The following RPH3AL variants were observed in gnomAD, a reference collection of about 807,000 sequenced individuals.
The protein encoded by RPH3AL is rabphilin 3A like (without C2 domains).
In RPH3AL, 38 loss-of-function variants were observed where a neutral mutation model predicts 43.1. That is an observed-to-expected ratio of 0.88 (90% CI 0.68 to 1.15). The LOEUF (loss-of-function observed/expected upper bound fraction) is 1.15. Among genes scored for constraint, RPH3AL ranks in the 50% most tolerant of loss-of-function variants. RPH3AL has a pLI of 0.00. For synonymous variants in RPH3AL, 189 were observed against 176.3 expected (o/e 1.07, Z -0.57); for missense variants, 462 against 423.2 (o/e 1.09, Z -0.81).
intron 5 of RPH3AL, among the ~76,000 whole-genome samples, chr17:308,293 A>G (rs1245315282): frequency 1.3e-5 from 2 of 152,306 alleles, no homozygotes; most frequent in African/African-American, 4.8e-5. Context: ...TTCACCGCAC[A>G]CCCATTTGGG....
chr17:319,271 A>G, intron 5 of RPH3AL, 149 bp downstream of exon 5: 1 of 963,450 alleles, frequency 1.0e-6, no homozygotes, highest in Non-Finnish European at 1.5e-6. Flanking sequence ...TTTGGTTTTT[A>G]AGTCTTAGTG....
In RPH3AL at chr17:246,430, C is replaced by CCTCCT. The variant is rs1555540014; in HGVS notation, c.613+676_613+680dup. ...CGGCCACACACCTGCCGAGGAAGTC[C>CCTCCT]CTCCTCTTCTCTGAGCCGCAGGTAC... On this transcript the variant is annotated intron_variant, in intron 7 of 9. Transcript: ENST00000331302. This position sits in a 1 kb window ranked among gnomAD's most constrained non-coding sequence, Gnocchi z 4.8. 6.6e-6 allele frequency among the ~76,000 whole-genome samples: 1 copy of CCTCCT among 152,142 alleles called. No individual in the cohort carries two copies. The highest frequency in any genetic ancestry group is 2.4e-5 in the African/African-American group (1 of 41,428).
At chr17:278,269 A>G (rs572949361) in intron 6 of RPH3AL, among the ~76,000 whole-genome samples, 200 of 152,302 alleles carry the variant, frequency 1.3e-3, no homozygotes, top group African/African-American at 4.6e-3. Context: ...GCCTGCCGCC[A>G]TGTAAGACGT....
chr17:272,960 G>GTCAGGGTGAGACCCCAGCAAGGGCGACA (rs2042520735), intron 6 of RPH3AL, among the ~76,000 whole-genome samples: 2 of 33,682 alleles, frequency 5.9e-5, no homozygotes, highest in African/African-American at 1.6e-4. Context: ...CAAGGGCTAC[G>GTCAGGGTGAGACCCCAGCAAGGGCGACA]TCAGGGTGAG....
chr17:286,950 A>G (rs1352349326), intron 5 of RPH3AL, among the ~76,000 whole-genome samples: 4 of 97,874 alleles, frequency 4.1e-5, no homozygotes, highest in Non-Finnish European at 4.4e-5. Context: ...CTCTCTCTCC[A>G]CCGTCAGACC....
intron 6 of RPH3AL, among the ~76,000 whole-genome samples, chr17:261,341 A>G (rs1003783540): frequency 6.6e-6 from 1 of 152,186 alleles, no homozygotes; most frequent in East Asian, 1.9e-4. Flanking sequence ...CACCAGGAGA[A>G]TGTGCTTCCT....
intron 7 of RPH3AL, among the ~76,000 whole-genome samples, chr17:229,403 C>T (rs551050110): frequency 4.6e-5 from 7 of 152,344 alleles, no homozygotes; most frequent in African/African-American, 1.7e-4. Context: ...CAGGAAACCG[C>T]ACTGTACAAA....
chr17:222,579 T>C (rs979494869), intron 7 of RPH3AL, among the ~76,000 whole-genome samples: 3 of 152,248 alleles, frequency 2.0e-5, no homozygotes, highest in African/African-American at 4.8e-5. Flanking sequence ...AGAGTCATAA[T>C]ACAGGATATA....
chr17:258,570 C>A (rs933896651), intron 6 of RPH3AL, among the ~76,000 whole-genome samples: 10 of 152,150 alleles, frequency 6.6e-5, no homozygotes, highest in Admixed American at 1.3e-4. Flanking sequence ...GCCCTGCCTC[C>A]CCTGGCATAT....
At chr17:219,757 C>A in intron 7 of RPH3AL, 21 bp from the exon 8 acceptor site, 1 of 1,581,950 alleles carries the variant, frequency 6.3e-7, no homozygotes, top group Non-Finnish European at 8.7e-7. Flanking sequence ...CAGACCACAG[C>A]ACAGGAGGTC....
chr17:279,583 G>C (rs530308823), intron 6 of RPH3AL, among the ~76,000 whole-genome samples: 2 of 152,218 alleles, frequency 1.3e-5, no homozygotes, highest in African/African-American at 4.8e-5. Flanking sequence ...ACTCATGAGG[G>C]GGATGGGGAA....
intron 6 of RPH3AL, among the ~76,000 whole-genome samples, chr17:269,097 C>G (rs535914045): frequency 4.6e-5 from 7 of 152,262 alleles, no homozygotes; most frequent in Admixed American, 1.3e-4. Context: ...CCAGGATGGT[C>G]TCGATCTCCT....
At chr17:241,098 A>C (rs148407254) in intron 7 of RPH3AL, among the ~76,000 whole-genome samples, 248 of 94,366 alleles carry the variant, frequency 2.6e-3, no homozygotes, top group Middle Eastern at 6.3e-3. Context: ...TAATAATAAT[A>C]ATCTTGTTGG....
At chr17:237,210 G>A (rs1346510979) in intron 7 of RPH3AL, among the ~76,000 whole-genome samples, 3 of 152,216 alleles carry the variant, frequency 2.0e-5, no homozygotes, top group Non-Finnish European at 2.9e-5. Context: ...TTGCTTTCAC[G>A]CCACCACAAA....
At chr17:312,984 C>A (rs1161914145) in intron 5 of RPH3AL, among the ~76,000 whole-genome samples, 1 of 152,194 alleles carries the variant, frequency 6.6e-6, no homozygotes, top group African/African-American at 2.4e-5. Context: ...CCCAGCACTG[C>A]GTGGCATCTG....
chr17:329,804 C>T (rs2044706201), intron 2 of RPH3AL, among the ~76,000 whole-genome samples: 1 of 152,230 alleles, frequency 6.6e-6, no homozygotes, highest in Non-Finnish European at 1.5e-5. Context: ...GAAGGACATC[C>T]AGACCCTCAC....
intron 6 of RPH3AL, among the ~76,000 whole-genome samples, chr17:258,972 G>A (rs962687102): frequency 2.6e-5 from 4 of 152,058 alleles, no homozygotes; most frequent in African/African-American, 4.8e-5. Flanking sequence ...AACTTCATAC[G>A]ATTCACCCCA....
chr17:310,999 A>C (rs1370781555), intron 5 of RPH3AL, among the ~76,000 whole-genome samples: 1 of 152,108 alleles, frequency 6.6e-6, no homozygotes, highest in Admixed American at 6.5e-5. Context: ...GCTCAAACGC[A>C]GTTCATCTCC....
chr17:321,765 G>A (rs1272236045), intron 3 of RPH3AL: 5 of 261,916 alleles, frequency 1.9e-5, no homozygotes, highest in East Asian at 7.2e-5. Flanking sequence ...CAACAGAGAC[G>A]GGGCAGACAC....
Sources: allele counts gnomAD v4.1 joint callset (sites outside exome capture counted in the v4.1 genomes callset), GRCh38; gene constraint gnomAD v4.1.1; non-coding constraint Gnocchi (gnomAD v3.1); transcripts MANE v1.5; gene names NCBI Gene and HGNC (gene_info 2026-07-23, HGNC 2026-07-21).